TERB2: variants seen among roughly 807,000 people sequenced by gnomAD.
The protein encoded by TERB2 is telomere repeat binding bouquet formation protein 2, also known as telomere repeats-binding bouquet formation protein 2.
Under a neutral mutation model 29.8 loss-of-function variants are expected in TERB2, and 26 were observed. The ratio of observed to expected loss-of-function variants is 0.87; its 90% confidence interval spans 0.64 to 1.21. The LOEUF (loss-of-function observed/expected upper bound fraction) is 1.21. Ranked by LOEUF, TERB2 falls within the 50% of genes most tolerant of loss-of-function variation. The probability of loss-of-function intolerance (pLI) is 0.00; values close to 1 mark genes in which losing one functional copy is unlikely to be tolerated. For synonymous variants in TERB2, 80 were observed against 90.8 expected (o/e 0.88, Z 0.68); for missense variants, 240 against 268.6 (o/e 0.89, Z 0.74).
At chr15:44,957,822 G>A (rs915483912) in intron 2 of TERB2, among the ~76,000 whole-genome samples, 1 of 132,166 alleles carries the variant, frequency 7.6e-6, no homozygotes, top group African/African-American at 3.0e-5. Flanking sequence ...CCCCCAAGCT[G>A]CTGATTTCCT....
chr15:44,964,337 T>C (rs1183534518), intron 4 of TERB2, among the ~76,000 whole-genome samples: 1 of 152,216 alleles, frequency 6.6e-6, no homozygotes, highest in African/African-American at 2.4e-5. Context: ...AAAATAATAG[T>C]TCTTTCAGTT....
intron 5 of TERB2, among the ~76,000 whole-genome samples, chr15:44,971,981 CTTTTTT>C (rs71111900): frequency 3.0e-5 from 2 of 66,334 alleles, no homozygotes; most frequent in African/African-American, 1.3e-4. Flanking sequence ...GAAATAGAAG[CTTTTTT>C]TTTTTTTTTT....
chr15:44,973,836 T>C (rs1566946939), intron 5 of TERB2, 31 bp from the exon 6 acceptor site: 1 of 1,525,694 alleles, frequency 6.6e-7, no homozygotes, highest in Non-Finnish European at 8.8e-7. Context: ...ATACTATGTA[T>C]GTGTGACTTT....
chr15:44,957,017 G>A (rs770538482), intron 2 of TERB2, 40 bp downstream of exon 2: 5 of 1,574,466 alleles, frequency 3.2e-6, no homozygotes, highest in Non-Finnish European at 4.4e-6. Context: ...ATGTTAGGAT[G>A]AGCCGGGAGT....
intron 4 of TERB2, among the ~76,000 whole-genome samples, chr15:44,962,480 C>T (rs1690027673): frequency 6.6e-6 from 1 of 152,030 alleles, no homozygotes; most frequent in African/African-American, 2.4e-5. Flanking sequence ...TGAGCCACCG[C>T]GCCCTGCCAT....
chr15:44,978,601 T>C lies in TERB2; in HGVS notation c.636T>C (p.Ala212=), dbSNP rs1892079549. The C allele has an allele frequency of 6.3e-7, 1 of 1,597,094 alleles. No individual in the cohort carries two copies. The highest frequency in any genetic ancestry group is 1.1e-5 in the South Asian group (1 of 87,066). ...TTCAAAATGAAATTAATATGTCTGC[T>C]ATAAAAAACAAATTGAAGAGGAAAT... ...YHVQNEINMS[A]IKNKLKRK The change falls in exon 7 of 7, where the codon GCT becomes GCC. Residue 212 remains alanine, a synonymous_variant. Transcript: ENST00000340827.
intron 5 of TERB2, among the ~76,000 whole-genome samples, chr15:44,967,554 G>A (rs1045958070): frequency 1.3e-5 from 2 of 152,212 alleles, no homozygotes; most frequent in African/African-American, 4.8e-5. Context: ...TAAGGAATCT[G>A]GCTCAGGGCT....
In TERB2 at chr15:44,978,570, A is replaced by G. The variant is rs769117134; in HGVS notation, c.605A>G (p.Tyr202Cys). The change falls in exon 7 of 7, where the codon TAT becomes TGT. Residue 202 changes from tyrosine to cysteine, a missense_variant. Tyr to Cys is a radical substitution (Grantham distance 194). Coordinates refer to ENST00000340827, the MANE Select transcript of TERB2 (RefSeq NM_152448.3). Reference sequence around the variant, plus strand: ...CCTGGAACCTCAGGATATTTGGCATATCATGTTCAAAATGAAATTAATATG... The same window carrying G: ...CCTGGAACCTCAGGATATTTGGCATGTCATGTTCAAAATGAAATTAATATG... ...FIPGTSGYLAYHVQNEINMSA... is the reference protein window; with the variant it reads ...FIPGTSGYLACHVQNEINMSA... 16 of 1,609,774 alleles carry G rather than the reference A, an allele frequency of 9.9e-6. No individual in the cohort carries two copies. The South Asian group carries it at 1.4e-4, about 15-fold the overall frequency.
Position 44,978,804 on chromosome 15 carries a change from T to C in TERB2, c.*176T>C. Reference sequence around the variant, plus strand: ...TCATTTTGGTTCTGTGTTTTGACATTTTTCCCCTAGCTTTTAACAACATGT... The same window carrying C: ...TCATTTTGGTTCTGTGTTTTGACATCTTTCCCCTAGCTTTTAACAACATGT... On this transcript the variant is annotated 3_prime_UTR_variant, in exon 7 of 7. Transcript: ENST00000340827. The C allele has an allele frequency of 1.2e-6, 1 of 828,026 alleles. No individual in the cohort carries two copies. The highest frequency in any genetic ancestry group is 1.6e-6 in the Non-Finnish European group (1 of 611,568). 51.3% of individuals were successfully genotyped at this position (828,026 alleles called of 1,614,324 possible).
At chr15:44,958,070 A>C (rs1891746606) in intron 2 of TERB2, among the ~76,000 whole-genome samples, 1 of 152,064 alleles carries the variant, frequency 6.6e-6, no homozygotes, top group East Asian at 1.9e-4. Context: ...GACCATGGAT[A>C]AGCCCCATAG....
intron 4 of TERB2, among the ~76,000 whole-genome samples, chr15:44,965,070 G>A (rs1891862012): frequency 6.8e-6 from 1 of 147,602 alleles, no homozygotes; most frequent in Non-Finnish European, 1.5e-5. Context: ...GGCTGAGGCA[G>A]GAGAATTGCT....
intron 5 of TERB2, among the ~76,000 whole-genome samples, chr15:44,967,425 T>G (rs1394627869): frequency 6.6e-6 from 1 of 152,198 alleles, no homozygotes; most frequent in Non-Finnish European, 1.5e-5. Context: ...GTCTAAAGCA[T>G]TTATTGAGGG....
intron 3 of TERB2, among the ~76,000 whole-genome samples, chr15:44,960,757 G>T: frequency 6.6e-6 from 1 of 152,046 alleles, no homozygotes; most frequent in South Asian, 2.1e-4. Context: ...TGCCATACTG[G>T]ACAGCAAAAG....
chr15:44,957,459 G>T (rs1026953567), intron 2 of TERB2, among the ~76,000 whole-genome samples: 8 of 151,994 alleles, frequency 5.3e-5, no homozygotes, highest in Non-Finnish European at 1.2e-4. Context: ...GCGCCTTGAA[G>T]GCCCCTCATA....
intron 3 of TERB2, among the ~76,000 whole-genome samples, chr15:44,959,120 T>A (rs1891764303): frequency 6.6e-6 from 1 of 152,008 alleles, no homozygotes; most frequent in South Asian, 2.1e-4. Context: ...TACTTTTGAA[T>A]CTCTTCATTA....
At chr15:44,965,079 C>A (rs1231109509) in intron 4 of TERB2, among the ~76,000 whole-genome samples, 1 of 130,926 alleles carries the variant, frequency 7.6e-6, no homozygotes, top group Admixed American at 9.3e-5. Context: ...AGGAGAATTG[C>A]TTGAACTTGG....
chr15:44,972,251 A>G (rs1225068757), intron 5 of TERB2, among the ~76,000 whole-genome samples: 1 of 151,990 alleles, frequency 6.6e-6, no homozygotes, highest in African/African-American at 2.4e-5. Context: ...TCGGCCTCCC[A>G]AAGTGCTGGG....
chr15:44,979,058 A>T lies in TERB2; in HGVS notation c.*430A>T, dbSNP rs1892087870. 1 of 152,206 alleles carries T rather than the reference A, an allele frequency of 6.6e-6. No individual in the cohort carries two copies. The highest frequency in any genetic ancestry group is 2.4e-5 in the African/African-American group (1 of 41,426). The allele number at this position is 152,206 out of a possible 1,614,324, so 9.4% of individuals were successfully genotyped here. A position where few individuals can be genotyped will look rare whatever the true frequency, so the allele number is the denominator to read the frequency against. ...ATTTTTTCTAGATTGAATACTGTGA[A>T]TGCTAAGTTTTATTAATCTGGTCAT... On this transcript the variant is annotated 3_prime_UTR_variant, in exon 7 of 7. Transcript: ENST00000340827.
chr15:44,963,162 C>A (rs550672105), intron 4 of TERB2, among the ~76,000 whole-genome samples: 9 of 152,136 alleles, frequency 5.9e-5, no homozygotes, highest in Non-Finnish European at 2.9e-5. Flanking sequence ...AACCTATGAT[C>A]TCAAATTATC....
Sources: allele counts gnomAD v4.1 joint callset (sites outside exome capture counted in the v4.1 genomes callset), GRCh38; gene constraint gnomAD v4.1.1; transcripts MANE v1.5; gene names NCBI Gene and HGNC (gene_info 2026-07-23, HGNC 2026-07-21).